The following GLDC variants were observed in gnomAD, a reference collection of about 807,000 sequenced individuals.
GLDC encodes glycine decarboxylase, also known as glycine dehydrogenase (decarboxylating), mitochondrial.
GLDC carries 104 observed loss-of-function variants against 121.3 expected under a neutral mutation model. That is an observed-to-expected ratio of 0.86 (90% confidence interval 0.73 to 1.01). The LOEUF (loss-of-function observed/expected upper bound fraction) is 1.01. Ranked by LOEUF, GLDC falls within the 50% of genes least tolerant of loss-of-function variation. The pLI is 0.00. For synonymous variants in GLDC, 546 were observed against 480.6 expected (o/e 1.14, Z -1.78); for missense variants, 1,429 against 1,306.6 (o/e 1.09, Z -1.44).
In GLDC at chr9:6,605,276, T is replaced by C. The variant is rs781364515; in HGVS notation, c.716A>G (p.Tyr239Cys). The C allele has an allele frequency of 3.1e-6, 5 of 1,613,688 alleles. No individual in the cohort carries two copies. Among genetic ancestry groups the C allele is most frequent in the Admixed American group, 3.3e-5 (2 of 60,016 alleles). The change falls in exon 6 of 25, where the codon TAT (tyrosine) becomes TGT (cysteine). Residue 239 changes from tyrosine (Y) to cysteine (C), a missense_variant and splice_region_variant. Transcript: ENST00000321612. ...TIAVVQTRAK[Y>C]TGVLTELKLP... ...CTTCAGCTCAGTGAGGACTCCAGTA[T>C]ATCTGGAAAGACAGACAACAAAGAA...
chr9:6,603,319 T>C (rs1818657032), intron 7 of GLDC, among the ~76,000 whole-genome samples: 1 of 151,802 alleles, frequency 6.6e-6, no homozygotes. Flanking sequence ...AATAAGATGA[T>C]TTAAAGTATA....
intron 22 of GLDC, among the ~76,000 whole-genome samples, chr9:6,537,469 C>A (rs1817152536): frequency 6.6e-6 from 1 of 152,220 alleles, no homozygotes; most frequent in African/African-American, 2.4e-5. Context: ...CAAACATTCT[C>A]TACCAACATT....
chr9:6,572,191 T>C (rs1817981342), intron 15 of GLDC, among the ~76,000 whole-genome samples: 1 of 152,206 alleles, frequency 6.6e-6, no homozygotes, highest in African/African-American at 2.4e-5. Flanking sequence ...AACTCCATCA[T>C]AATTAAAAAC....
intron 3 of GLDC, among the ~76,000 whole-genome samples, chr9:6,611,653 ACTGT>A (rs763570436): frequency 5.3e-5 from 8 of 151,818 alleles, no homozygotes; most frequent in Non-Finnish European, 1.0e-4. Flanking sequence ...TTATATTCAC[ACTGT>A]CTAATTATCA....
At chr9:6,603,816 A>T (rs754537590) in intron 7 of GLDC, among the ~76,000 whole-genome samples, 1 of 143,692 alleles carries the variant, frequency 7.0e-6, no homozygotes, top group Non-Finnish European at 1.5e-5. Context: ...TGCAACCTCC[A>T]CCTCCGTGGT....
chr9:6,582,470 G>A (rs185301764), intron 15 of GLDC, among the ~76,000 whole-genome samples: 3 of 151,966 alleles, frequency 2.0e-5, no homozygotes, highest in East Asian at 1.9e-4. Context: ...GCAGTGAGCC[G>A]AGATGGCGCC....
intron 23 of GLDC, 138 bp downstream of exon 23, chr9:6,535,926 G>GC: frequency 2.5e-6 from 2 of 791,426 alleles, no homozygotes; most frequent in Non-Finnish European, 2.2e-6. Context: ...AGTAACAACT[G>GC]CATCTTCTCA....
intron 4 of GLDC, among the ~76,000 whole-genome samples, chr9:6,608,059 G>A (rs918433246): frequency 2.0e-5 from 3 of 152,024 alleles, no homozygotes; most frequent in Admixed American, 6.6e-5. Flanking sequence ...GGAAGTCAAG[G>A]CTGCAGTGAG....
intron 2 of GLDC, among the ~76,000 whole-genome samples, chr9:6,643,973 G>T (rs1819680495): frequency 7.7e-6 from 1 of 130,008 alleles, no homozygotes; most frequent in African/African-American, 3.0e-5. Context: ...GGCGGAGGTT[G>T]CAGTGAGCCG....
At chr9:6,612,696 T>A (rs948298656) in intron 3 of GLDC, among the ~76,000 whole-genome samples, 8 of 152,218 alleles carry the variant, frequency 5.3e-5, no homozygotes, top group Middle Eastern at 3.4e-3. Context: ...ACCCCGTCTC[T>A]ACTAAGAATA....
chr9:6,608,733 G>A (rs962441991), intron 4 of GLDC, among the ~76,000 whole-genome samples: 13 of 152,024 alleles, frequency 8.6e-5, no homozygotes, highest in East Asian at 5.8e-4. Flanking sequence ...GCGAAAGAGC[G>A]AGACTCCGTC....
chr9:6,560,907 T>C (rs1817742861), intron 16 of GLDC, among the ~76,000 whole-genome samples: 1 of 152,112 alleles, frequency 6.6e-6, no homozygotes, highest in Non-Finnish European at 1.5e-5. Flanking sequence ...TATTCTTAAG[T>C]GTCCTCATCA....
intron 2 of GLDC, chr9:6,622,714 T>C (rs1258161413): frequency 7.1e-5 from 14 of 197,684 alleles, no homozygotes; most frequent in Non-Finnish European, 1.1e-4. Context: ...TGGTCTGGGA[T>C]GTGAGGAGCC....
intron 15 of GLDC, chr9:6,565,940 T>C (rs1266256916): frequency 4.8e-6 from 1 of 206,762 alleles, no homozygotes; most frequent in African/African-American, 2.3e-5. Flanking sequence ...ATAAGTATTG[T>C]TTTTAAAAAT....
rs2130032047 is a variant in GLDC, at chr9:6,645,316, C to A, written c.184G>T (p.Asp62Tyr). Residue 62 changes from aspartate to tyrosine, a missense_variant, in exon 1 of 25, where the codon GAC becomes TAC. Asp to Tyr is a radical substitution (Grantham distance 160). Transcript: ENST00000321612. ...LLERLLPRHD[D>Y]FARRHIGPGD... The stretch of plus-strand genomic sequence containing the variant: ...GGGCCGATGTGCCTCCGAGCGAAGT[C>A]GTCGTGTCTGGGCAGAAGGCGCTCC... The A allele has an allele frequency of 3.1e-6, 5 of 1,591,816 alleles. No individual in the cohort carries two copies. The highest frequency in any genetic ancestry group is 4.3e-6 in the Non-Finnish European group (5 of 1,170,994).
intron 14 of GLDC, among the ~76,000 whole-genome samples, 158 bp downstream of exon 14, chr9:6,588,235 ATACAGGGT>A (rs1818308453): frequency 1.3e-5 from 2 of 152,216 alleles, no homozygotes; most frequent in African/African-American, 4.8e-5. Context: ...GTCGTGAGAA[ATACAGGGT>A]TACTCCCAAG....
At chr9:6,640,184 C>A (rs1819601272) in intron 2 of GLDC, among the ~76,000 whole-genome samples, 1 of 152,208 alleles carries the variant, frequency 6.6e-6, no homozygotes, top group Admixed American at 6.5e-5. Context: ...TCATTACAGC[C>A]TTTGTTTCTC....
At chr9:6,614,710 A>G (rs1444487172) in intron 3 of GLDC, among the ~76,000 whole-genome samples, 2 of 152,230 alleles carry the variant, frequency 1.3e-5, no homozygotes, top group Admixed American at 6.5e-5. Context: ...AATTTTCTAC[A>G]GTCATGCATG....
intron 10 of GLDC, 114 bp downstream of exon 10, chr9:6,592,737 A>G (rs1818399010): frequency 1.2e-5 from 11 of 940,398 alleles, no homozygotes; most frequent in African/African-American, 1.7e-5. Context: ...ATGAAAAAAT[A>G]GGACTGTGCC....
Sources: allele counts gnomAD v4.1 joint callset (sites outside exome capture counted in the v4.1 genomes callset), GRCh38; gene constraint gnomAD v4.1.1; transcripts MANE v1.5; gene names NCBI Gene and HGNC (gene_info 2026-07-23, HGNC 2026-07-21).